ITSN2: variants seen among roughly 807,000 people sequenced by gnomAD.
ITSN2 encodes the protein intersectin-2.
In ITSN2, 156 loss-of-function variants were observed where a neutral mutation model predicts 243.7. That is an observed-to-expected ratio of 0.64 (90% CI 0.56 to 0.73). ITSN2 has a LOEUF of 0.73. Ranked by LOEUF, ITSN2 falls within the 30% of genes least tolerant of loss-of-function variation. The pLI is 0.00. For synonymous variants in ITSN2, 703 were observed against 699.9 expected, an observed-to-expected ratio of 1.00 and a Z score of -0.07; for missense variants, 1,801 against 1,996.1, an observed-to-expected ratio of 0.90 and a Z score of 1.86.
intron 37 of ITSN2, among the ~76,000 whole-genome samples, chr2:24,207,288 G>A (rs977507444): frequency 1.3e-5 from 2 of 152,038 alleles, no homozygotes; most frequent in African/African-American, 2.4e-5. Context: ...GGAAAGTGGC[G>A]AGGGAGGAGG....
chr2:24,209,168 A>G lies in ITSN2; in HGVS notation c.4527T>C (p.Asp1509=). The G allele has an allele frequency of 1.2e-6, 2 of 1,614,082 alleles. No homozygotes were observed. Among genetic ancestry groups the G allele is most frequent in the Non-Finnish European group, 1.7e-6 (2 of 1,179,892 alleles). Residue 1509 remains aspartate, a synonymous_variant, in exon 36 of 40, where the codon GAT becomes GAC. Coordinates refer to ENST00000355123, the MANE Select transcript of ITSN2 (RefSeq NM_006277.3). The stretch of plus-strand genomic sequence containing the variant: ...TGTGGGAAATGTGGAAGACAGGCTC[A>G]TCGCTGGAAGGGTCTGTGGGCAGTT... ...LVKLPTDPSS[D]EPVFHISHID... is the part of the protein sequence containing the mutation.
At chr2:24,304,104 G>C (rs553764093) in intron 8 of ITSN2, among the ~76,000 whole-genome samples, 2 of 152,154 alleles carry the variant, frequency 1.3e-5, no homozygotes, top group Admixed American at 6.5e-5. Context: ...TTTTCAGCAA[G>C]ATAATAATAC....
At chr2:24,321,301 G>A (rs1026196347) in intron 2 of ITSN2, among the ~76,000 whole-genome samples, 1 of 152,108 alleles carries the variant, frequency 6.6e-6, no homozygotes, top group Non-Finnish European at 1.5e-5. Flanking sequence ...CTGCCAATAA[G>A]GAATCAAATA....
chr2:24,278,863 G>T (rs1439097706), intron 17 of ITSN2, among the ~76,000 whole-genome samples: 1 of 152,010 alleles, frequency 6.6e-6, no homozygotes, highest in Admixed American at 6.5e-5. Flanking sequence ...TGTTGGCCAG[G>T]CTGGTCGTGA....
chr2:24,221,211 G>T, intron 29 of ITSN2, 145 bp from the exon 30 acceptor site: 1 of 816,058 alleles, frequency 1.2e-6, no homozygotes, highest in Non-Finnish European at 1.9e-6. Flanking sequence ...CTTCTGCAGA[G>T]CAGCATGCGT....
At chr2:24,218,670 T>C (rs1670181481) in intron 30 of ITSN2, among the ~76,000 whole-genome samples, 2 of 152,130 alleles carry the variant, frequency 1.3e-5, no homozygotes, top group South Asian at 4.1e-4. Flanking sequence ...GGTATTATTA[T>C]TACCAATTGA....
Position 24,248,883 on chromosome 2 carries a change from C to T in ITSN2, c.3121-1G>A, listed in dbSNP as rs766050017. The T allele has an allele frequency of 6.2e-7, 1 of 1,613,246 alleles. No individual in the cohort carries two copies. The highest frequency in any genetic ancestry group is 8.5e-7 in the Non-Finnish European group (1 of 1,179,294). ...CAGACTTGCTAGCACTCCCAAAACT[C>T]TACAAGGAAAAGATACCGTGTTGTT... On this transcript the variant is annotated splice_acceptor_variant, in intron 25 of 39. Coordinates refer to ENST00000355123, the MANE Select transcript of ITSN2 (RefSeq NM_006277.3). LOFTEE classifies it high-confidence loss of function.
intron 2 of ITSN2, among the ~76,000 whole-genome samples, chr2:24,318,947 C>A (rs941374004): frequency 1.3e-5 from 2 of 152,202 alleles, no homozygotes; most frequent in Non-Finnish European, 2.9e-5. Context: ...CTCATAGGAG[C>A]ACAAACCCTA....
chr2:24,340,751 AAC>A lies in ITSN2; in HGVS notation c.-33-12638_-33-12637del, dbSNP rs34201222. 1.6e-3 allele frequency among the ~76,000 whole-genome samples: 247 copies of A among 151,320 alleles called. 2 individuals are homozygous for A. Among genetic ancestry groups the A allele is most frequent in the African/African-American group, 4.9e-3 (201 of 41,186 alleles). On this transcript the variant is annotated intron_variant, in intron 1 of 39. Coordinates refer to ENST00000355123, the MANE Select transcript of ITSN2 (RefSeq NM_006277.3). ...CCTGTGTTCTCAAAAAAGGAAAAAA[AAC>A]ACACACACACACACACATATAGTAT...
At chr2:24,297,753 C>T (rs1175395702) in intron 13 of ITSN2, among the ~76,000 whole-genome samples, 1 of 152,100 alleles carries the variant, frequency 6.6e-6, no homozygotes, top group African/African-American at 2.4e-5. Context: ...ACTCAACTAA[C>T]ACAACTCTTT....
chr2:24,334,459 C>A (rs1686132004), intron 1 of ITSN2: 2 of 604,522 alleles, frequency 3.3e-6, no homozygotes, highest in Admixed American at 2.0e-5. Flanking sequence ...TTAAGAAGCA[C>A]AGTTACAGAA....
At chr2:24,248,205 C>T (rs559753929) in intron 27 of ITSN2, among the ~76,000 whole-genome samples, 1 of 152,108 alleles carries the variant, frequency 6.6e-6, no homozygotes, top group South Asian at 2.1e-4. Flanking sequence ...TTTAATTGCA[C>T]TGCTGTTTCA....
intron 29 of ITSN2, among the ~76,000 whole-genome samples, chr2:24,238,385 T>C (rs1299097584): frequency 4.6e-5 from 7 of 152,134 alleles, no homozygotes; most frequent in Admixed American, 4.6e-4. Flanking sequence ...TGGAAAGAGG[T>C]TGTTTGTGCT....
chr2:24,253,967 T>C (rs936120672), intron 24 of ITSN2, among the ~76,000 whole-genome samples: 4 of 152,214 alleles, frequency 2.6e-5, no homozygotes, highest in African/African-American at 9.6e-5. Context: ...GCAATACTTA[T>C]GATAAAGTAT....
intron 29 of ITSN2, among the ~76,000 whole-genome samples, chr2:24,236,457 T>C (rs1462509394): frequency 6.6e-6 from 1 of 152,180 alleles, no homozygotes; most frequent in Non-Finnish European, 1.5e-5. Flanking sequence ...GTTAATACAC[T>C]AAAAACCACC....
chr2:24,324,684 TA>T (rs899643374), intron 2 of ITSN2, among the ~76,000 whole-genome samples: 5 of 147,736 alleles, frequency 3.4e-5, no homozygotes, highest in Admixed American at 6.8e-5. Flanking sequence ...CCCCTATCTC[TA>T]AAAAAAAAAT....
chr2:24,284,837 T>C lies in ITSN2; in HGVS notation c.1870A>G (p.Asn624Asp), dbSNP rs780052794. The C allele has an allele frequency of 8.8e-6, 14 of 1,589,340 alleles. No individual in the cohort carries two copies. In the South Asian group the frequency reaches 1.2e-4, roughly 14 times the overall value. Residue 624 changes from asparagine (N) to aspartate (D), a missense_variant, in exon 17 of 40, where the codon AAT becomes GAT. Asn to Asp is a conservative substitution (Grantham distance 23). Transcript: ENST00000355123. ...CACTGAAGAACAGAGTCATCCATATTCCCACACTGTAAGATAAGGCAGATA... is the reference window on the plus strand; with the variant it reads ...CACTGAAGAACAGAGTCATCCATATCCCCACACTGTAAGATAAGGCAGATA... ...DSFNNQLKCG[N>D]MDDSVLQCLL...
intron 1 of ITSN2, among the ~76,000 whole-genome samples, chr2:24,359,984 C>G (rs567349226): frequency 6.6e-6 from 1 of 152,328 alleles, no homozygotes; most frequent in Non-Finnish European, 1.5e-5. Context: ...CCGACCCTCG[C>G]CGGCGTCCGC....
intron 11 of ITSN2, among the ~76,000 whole-genome samples, chr2:24,300,642 C>T (rs1407755787): frequency 6.6e-6 from 1 of 151,990 alleles, no homozygotes. Flanking sequence ...TCGCTTGAAC[C>T]CAGGAGGCGG....
Sources: allele counts gnomAD v4.1 joint callset (sites outside exome capture counted in the v4.1 genomes callset), GRCh38; gene constraint gnomAD v4.1.1; transcripts MANE v1.5; gene names NCBI Gene and HGNC (gene_info 2026-07-23, HGNC 2026-07-21).